Variants in ATP11B observed in about 807,000 individuals in gnomAD.
ATP11B encodes phospholipid-transporting ATPase IF.
Under a neutral mutation model 157.8 loss-of-function variants are expected in ATP11B, and 81 were observed. That is an observed-to-expected ratio of 0.51 (90% CI 0.43 to 0.62). The LOEUF is 0.62. Among genes scored for constraint, ATP11B ranks in the 20% least tolerant of loss-of-function variants. The pLI is 0.00. For missense variants in ATP11B, 1,165 were observed against 1,402.2 expected (o/e 0.83, Z 2.70); for synonymous variants, 451 against 469.4 (o/e 0.96, Z 0.51).
At chr3:182,802,038 A>G (rs1021237211) in intron 1 of ATP11B, among the ~76,000 whole-genome samples, 7 of 152,234 alleles carry the variant, frequency 4.6e-5, no homozygotes, top group South Asian at 2.1e-4. Flanking sequence ...GTTGTGCACC[A>G]TAAATATACA....
At chr3:182,853,167 G>A (rs1258914795) in intron 10 of ATP11B, among the ~76,000 whole-genome samples, 1 of 152,102 alleles carries the variant, frequency 6.6e-6, no homozygotes, top group East Asian at 1.9e-4. Flanking sequence ...ACTATAATAA[G>A]CAAGTTGGTC....
chr3:182,870,714 C>T (rs1490617795), intron 17 of ATP11B, among the ~76,000 whole-genome samples: 1 of 152,014 alleles, frequency 6.6e-6, no homozygotes, highest in Non-Finnish European at 1.5e-5. Flanking sequence ...TGGCTCACAC[C>T]TGTAATCCCA....
intron 29 of ATP11B, chr3:182,916,646 AAT>A (rs1406901641): frequency 1.0e-6 from 1 of 983,504 alleles, no homozygotes; most frequent in Non-Finnish European, 1.2e-6. Flanking sequence ...AATAGAAAGT[AAT>A]ATGTAGTTCA....
At chr3:182,806,115 G>C (rs1009583239) in intron 1 of ATP11B, among the ~76,000 whole-genome samples, 3 of 152,098 alleles carry the variant, frequency 2.0e-5, no homozygotes, top group African/African-American at 7.2e-5. Context: ...AGTCACTATT[G>C]AATGGGAATT....
intron 12 of ATP11B, among the ~76,000 whole-genome samples, chr3:182,861,061 A>T (rs116006575): frequency 0.02 from 2,574 of 130,892 alleles, 74 homozygotes; most frequent in African/African-American, 0.071. Context: ...CAAAAACAAT[A>T]ATACTTTTTT....
At chr3:182,849,737 C>T (rs1480058075) in intron 10 of ATP11B, among the ~76,000 whole-genome samples, 1 of 151,976 alleles carries the variant, frequency 6.6e-6, no homozygotes. Flanking sequence ...GAAAAATGAA[C>T]AGAGCTTCAG....
At chr3:182,915,648 G>A in intron 29 of ATP11B, 1 of 964,500 alleles carries the variant, frequency 1.0e-6, no homozygotes, top group South Asian at 4.8e-5. Context: ...TTTTAAATGA[G>A]CCCCAGATTT....
At chr3:182,823,948 ATTGC>A (rs1717547053) in intron 2 of ATP11B, among the ~76,000 whole-genome samples, 1 of 152,012 alleles carries the variant, frequency 6.6e-6, no homozygotes, top group Admixed American at 6.6e-5. Flanking sequence ...GAATATATCC[ATTGC>A]TTCAAAAAAA....
intron 18 of ATP11B, among the ~76,000 whole-genome samples, chr3:182,873,570 C>T (rs975704977): frequency 2.0e-5 from 3 of 152,162 alleles, no homozygotes; most frequent in Admixed American, 2.0e-4. Flanking sequence ...AAGATACATT[C>T]TTAAAATATG....
intron 2 of ATP11B, among the ~76,000 whole-genome samples, chr3:182,821,987 T>C (rs1468632542): frequency 6.6e-6 from 1 of 152,230 alleles, no homozygotes; most frequent in African/African-American, 2.4e-5. Context: ...TCACATTCTT[T>C]ATGTGTATAA....
Position 182,837,140 on chromosome 3 carries a change from A to C in ATP11B, c.622A>C (p.Ile208Leu). Residue 208 changes from isoleucine to leucine, a missense_variant, in exon 7 of 30, where the codon ATA becomes CTA. Ile to Leu is a conservative substitution (Grantham distance 5). Around this residue, in one of 4 missense-constraint regions of ATP11B, gnomAD observed 737 missense variants for 930.5 expected, o/e 0.79. Coordinates refer to ENST00000323116, the MANE Select transcript of ATP11B (RefSeq NM_014616.3). ...VANLDTLVAV[I>L]ECQQPEADLY... ...CAATTTGGACACTCTAGTAGCTGTA[A>C]TAGAATGCCAGCAACCAGAAGCAGA... 1 of 1,613,276 alleles carries C rather than the reference A, an allele frequency of 6.2e-7. No homozygotes were observed.
rs949149921 is a variant in ATP11B, at chr3:182,902,386, A to G, written c.3318+3614A>G. On this transcript the variant is annotated intron_variant, in intron 28 of 29. Coordinates refer to ENST00000323116, the MANE Select transcript of ATP11B (RefSeq NM_014616.3). ...ATATTTACTCCTCGTGTAGGAACAG[A>G]TGTATTTACAAAGCTTGTCCTGTGT... is the stretch of plus-strand genomic sequence containing the variant. 2.6e-5 allele frequency: 14 copies of G among 544,286 alleles called. No individual in the cohort carries two copies. The African/African-American group carries it at 2.7e-4, about 10-fold the overall frequency. The allele number at this position is 544,286 out of a possible 1,614,324, so 33.7% of individuals were successfully genotyped here. A position where few individuals can be genotyped will look rare whatever the true frequency, so the allele number is the denominator to read the frequency against.
Position 182,877,453 on chromosome 3 carries a change from G to A in ATP11B, c.2253-2043G>A, listed in dbSNP as rs541777661. 2.6e-5 allele frequency among the ~76,000 whole-genome samples: 4 copies of A among 152,270 alleles called. No individual in the cohort carries two copies. In the South Asian group the frequency reaches 8.3e-4, roughly 32 times the overall value. On this transcript the variant is annotated intron_variant, in intron 19 of 29. Transcript: ENST00000323116. ...GTCTAGAAGTTCAAGACCAGCCTGG[G>A]CAACATAGTGAAACCCCGTCTCTAC...
rs756008837 is a variant in ATP11B, at chr3:182,859,339, C to CTGAATGAA, written c.1181_1188dup (p.Glu397Ter). 6.2e-7 allele frequency: 1 copy of CTGAATGAA among 1,602,836 alleles called. No homozygotes were observed. The highest frequency in any genetic ancestry group is 8.5e-7 in the Non-Finnish European group (1 of 1,173,970). On this transcript the variant is annotated frameshift_variant, in exon 12 of 30. Coordinates refer to ENST00000323116, the MANE Select transcript of ATP11B (RefSeq NM_014616.3). LOFTEE classifies it high-confidence loss of function. ...GAAAGCTCAAGTCAATACTTCCGATCTGAATGAAGAGCTTGGACAGGTGAA... is the reference window on the plus strand; with the variant it reads ...GAAAGCTCAAGTCAATACTTCCGATCTGAATGAATGAATGAAGAGCTTGGACAGGTGAA...
chr3:182,895,427 C>A (rs893922635), intron 25 of ATP11B, among the ~76,000 whole-genome samples: 12 of 152,012 alleles, frequency 7.9e-5, no homozygotes, highest in African/African-American at 2.9e-4. Context: ...TTTTTGTATA[C>A]CCCAATTCTT....
At chr3:182,878,333 G>C (rs111635604) in intron 19 of ATP11B, among the ~76,000 whole-genome samples, 4 of 152,280 alleles carry the variant, frequency 2.6e-5, no homozygotes, top group African/African-American at 9.6e-5. Context: ...TTTTTAAGTG[G>C]AGGGATAGTT....
intron 1 of ATP11B, among the ~76,000 whole-genome samples, chr3:182,811,483 C>T (rs1343694361): frequency 6.6e-6 from 1 of 152,152 alleles, no homozygotes; most frequent in Non-Finnish European, 1.5e-5. Flanking sequence ...ACCCCCCAGT[C>T]ATTGTGAAAA....
intron 10 of ATP11B, among the ~76,000 whole-genome samples, chr3:182,852,385 A>G (rs1427292070): frequency 6.6e-6 from 1 of 152,214 alleles, no homozygotes; most frequent in African/African-American, 2.4e-5. Context: ...AATGTCAGGG[A>G]TGAAAGAGGG....
intron 10 of ATP11B, among the ~76,000 whole-genome samples, chr3:182,853,794 C>A (rs1427827485): frequency 6.6e-6 from 1 of 152,034 alleles, no homozygotes; most frequent in East Asian, 1.9e-4. Flanking sequence ...CAAGGTAATA[C>A]TAAAGTGTAT....
Sources: gnomAD v4.1 joint callset for allele counts (sites outside exome capture counted in the v4.1 genomes callset) on GRCh38, gnomAD v4.1.1 for gene constraint, gnomAD v4.1.1 regional missense constraint, MANE v1.5 for transcripts, NCBI Gene and HGNC (gene_info 2026-07-23, HGNC 2026-07-21) for gene names.